Variants in B3GALT1 observed in about 807,000 individuals in gnomAD.
B3GALT1 encodes beta-1,3-galactosyltransferase 1.
In B3GALT1, 10 loss-of-function variants were observed where a neutral mutation model predicts 23.2. The ratio of observed to expected loss-of-function variants is 0.43; its 90% confidence interval spans 0.27 to 0.73. B3GALT1 has a LOEUF of 0.73. B3GALT1 is among the 30% of genes least tolerant of loss of function. The pLI, the probability that B3GALT1 is intolerant of heterozygous loss-of-function variation, is 0.21. For missense variants in B3GALT1, 299 were observed against 405.4 expected (o/e 0.74, Z 2.25); for synonymous variants, 156 against 141.5 (o/e 1.10, Z -0.73).
At chr2:167,501,091 A>G (rs982954888) in intron 2 of B3GALT1, among the ~76,000 whole-genome samples, 5 of 152,128 alleles carry the variant, frequency 3.3e-5, no homozygotes, top group African/African-American at 1.2e-4. Context: ...ATTTTAATAA[A>G]TTAAAATACA....
At chr2:167,712,664 T>C (rs563599933) in intron 3 of B3GALT1, among the ~76,000 whole-genome samples, 49 of 152,274 alleles carry the variant, frequency 3.2e-4, no homozygotes, top group African/African-American at 1.2e-3. Flanking sequence ...CTGTGCTTAC[T>C]TGAGAGAACT....
chr2:167,811,099 A>T (rs1054861743), intron 3 of B3GALT1, among the ~76,000 whole-genome samples: 1 of 152,246 alleles, frequency 6.6e-6, no homozygotes, highest in African/African-American at 2.4e-5. Flanking sequence ...AAAAAATAGC[A>T]TTAATCAAAG....
At chr2:167,343,941 CAT>C (rs1226464545) in intron 1 of B3GALT1, among the ~76,000 whole-genome samples, 1 of 152,168 alleles carries the variant, frequency 6.6e-6, no homozygotes. Flanking sequence ...TTTGTACTCA[CAT>C]AGCATTGGCT....
intron 3 of B3GALT1, among the ~76,000 whole-genome samples, chr2:167,761,713 C>G (rs182026080): frequency 3.9e-5 from 6 of 152,278 alleles, no homozygotes; most frequent in Non-Finnish European, 7.4e-5. Flanking sequence ...CAAAGTCTTT[C>G]CAAAGCTGTG....
At chr2:167,445,015 T>A (rs1297346983) in intron 1 of B3GALT1, among the ~76,000 whole-genome samples, 1 of 152,212 alleles carries the variant, frequency 6.6e-6, no homozygotes, top group African/African-American at 2.4e-5. Context: ...GCTATAAATT[T>A]CCCTCTACAC....
chr2:167,704,210 C>T (rs1686936496), intron 3 of B3GALT1, among the ~76,000 whole-genome samples: 1 of 146,330 alleles, frequency 6.8e-6, no homozygotes, highest in African/African-American at 2.5e-5. Context: ...AAAGGTAACT[C>T]AGAATTATAA....
chr2:167,490,629 G>A (rs1318887228), intron 2 of B3GALT1, among the ~76,000 whole-genome samples: 1 of 152,188 alleles, frequency 6.6e-6, no homozygotes, highest in Non-Finnish European at 1.5e-5. Flanking sequence ...CTGTGAGGGG[G>A]CTGCTCACAA....
At chr2:167,757,962 A>C (rs1334269491) in intron 3 of B3GALT1, among the ~76,000 whole-genome samples, 1 of 152,138 alleles carries the variant, frequency 6.6e-6, no homozygotes, top group Non-Finnish European at 1.5e-5. Context: ...AGAGCACTGA[A>C]CTCACTCAAA....
At chr2:167,808,060 C>T (rs1311858418) in intron 3 of B3GALT1, among the ~76,000 whole-genome samples, 5 of 151,936 alleles carry the variant, frequency 3.3e-5, no homozygotes, top group Admixed American at 1.3e-4. Flanking sequence ...TATGTAATGG[C>T]CTTCTTTGTC....
At chr2:167,586,302 T>A (rs1306926832) in intron 2 of B3GALT1, among the ~76,000 whole-genome samples, 1 of 152,160 alleles carries the variant, frequency 6.6e-6, no homozygotes, top group Non-Finnish European at 1.5e-5. Context: ...AAGTCATATT[T>A]TCTTTTTTTT....
intron 1 of B3GALT1, among the ~76,000 whole-genome samples, chr2:167,475,854 G>A (rs1036221435): frequency 6.6e-6 from 1 of 152,126 alleles, no homozygotes; most frequent in African/African-American, 2.4e-5. Flanking sequence ...TATGTTCCAG[G>A]CCTCTCTCCC....
intron 3 of B3GALT1, among the ~76,000 whole-genome samples, chr2:167,708,436 G>A (rs1451017278): frequency 6.6e-6 from 1 of 152,174 alleles, no homozygotes; most frequent in East Asian, 1.9e-4. Flanking sequence ...CATGGTGGGT[G>A]GATCACCTGC....
At chr2:167,315,355 C>CT (rs746938318) in intron 1 of B3GALT1, among the ~76,000 whole-genome samples, 76 of 152,024 alleles carry the variant, frequency 5.0e-4, no homozygotes, top group Non-Finnish European at 9.6e-4. Flanking sequence ...ACAGAAAACA[C>CT]TAATTTTTTT....
At chr2:167,619,138 TTC>T (rs896695209) in intron 2 of B3GALT1, among the ~76,000 whole-genome samples, 1 of 151,982 alleles carries the variant, frequency 6.6e-6, no homozygotes, top group African/African-American at 2.4e-5. Flanking sequence ...CATCTTTCTC[TTC>T]TCTCTCATTT....
chr2:167,448,139 C>T (rs1699030685), intron 1 of B3GALT1, among the ~76,000 whole-genome samples: 1 of 152,122 alleles, frequency 6.6e-6, no homozygotes, highest in African/African-American at 2.4e-5. Flanking sequence ...GTAGATAACT[C>T]ATAGTGGGAC....
In B3GALT1 at chr2:167,416,553, G is replaced by T. The variant is rs142049940; in HGVS notation, c.-510-73624G>T. Among the ~76,000 whole-genome samples, 526 of 152,300 alleles carry T rather than the reference G, an allele frequency of 3.5e-3. 2 individuals carry two copies. Among genetic ancestry groups the T allele is most frequent in the Admixed American group, 8.1e-3 (124 of 15,306 alleles). ...AGAGCAATGCTGAGTGGAAATGCGG[G>T]GTTAGAGTTGCCACAGAGAGTCTCC... On this transcript the variant is annotated intron_variant, in intron 1 of 4. Transcript: ENST00000392690.
At chr2:167,446,590 T>C (rs954426227) in intron 1 of B3GALT1, among the ~76,000 whole-genome samples, 1 of 152,178 alleles carries the variant, frequency 6.6e-6, no homozygotes, top group Admixed American at 6.5e-5. Flanking sequence ...TCTAAACTTC[T>C]CTTCTTGCTT....
chr2:167,824,071 G>A (rs1177814939), intron 4 of B3GALT1, among the ~76,000 whole-genome samples: 2 of 152,228 alleles, frequency 1.3e-5, no homozygotes, highest in Non-Finnish European at 2.9e-5. Context: ...TGATAGCTGA[G>A]AAGTTGGGAA....
intron 2 of B3GALT1, among the ~76,000 whole-genome samples, chr2:167,630,482 T>C (rs1414090304): frequency 6.6e-6 from 1 of 151,822 alleles, no homozygotes; most frequent in Non-Finnish European, 1.5e-5. Flanking sequence ...CTGGGTATTA[T>C]TAATTATTGT....
Sources: allele counts gnomAD v4.1 joint callset (sites outside exome capture counted in the v4.1 genomes callset), GRCh38; gene constraint gnomAD v4.1.1; transcripts MANE v1.5; gene names NCBI Gene and HGNC (gene_info 2026-07-23, HGNC 2026-07-21).